Variants in GTF2E2 observed in about 807,000 individuals in gnomAD.
The protein encoded by GTF2E2 is general transcription factor IIE subunit 2, also known as transcription initiation factor IIE subunit beta.
A neutral mutation model predicts 40.5 loss-of-function variants in GTF2E2; 21 were observed. That is an observed-to-expected ratio of 0.52 (90% CI 0.37 to 0.75). The LOEUF (loss-of-function observed/expected upper bound fraction) is 0.75. Among genes scored for constraint, GTF2E2 ranks in the 30% least tolerant of loss-of-function variants. GTF2E2 has a pLI of 0.00. For missense variants in GTF2E2, 298 were observed against 338.4 expected (o/e 0.88, Z 0.94); for synonymous variants, 117 against 121.6 (o/e 0.96, Z 0.25).
chr8:30,580,147 A>C, intron 7 of GTF2E2, 134 bp downstream of exon 7: 2 of 635,474 alleles, frequency 3.1e-6, no homozygotes, highest in Non-Finnish European at 5.6e-6. Context: ...GCAATACCTC[A>C]GATGTGACCT....
intron 7 of GTF2E2, among the ~76,000 whole-genome samples, chr8:30,580,003 G>A (rs939096895): frequency 2.7e-4 from 41 of 152,182 alleles, no homozygotes; most frequent in African/African-American, 9.7e-4. Context: ...AGCTTAGAGT[G>A]GGAGAGTGGG....
At chr8:30,629,643 C>T (rs1379769524) in intron 3 of GTF2E2, among the ~76,000 whole-genome samples, 6 of 145,218 alleles carry the variant, frequency 4.1e-5, no homozygotes, top group South Asian at 2.2e-4. Flanking sequence ...GAGCCAAGAT[C>T]GCACCACTGC....
At chr8:30,611,956 G>T (rs1231583420) in intron 5 of GTF2E2, among the ~76,000 whole-genome samples, 1 of 152,082 alleles carries the variant, frequency 6.6e-6, no homozygotes, top group African/African-American at 2.4e-5. Context: ...TAGTTCCTCA[G>T]GTAAGGAACA....
At chr8:30,655,225 T>G (rs574319099) in intron 1 of GTF2E2, among the ~76,000 whole-genome samples, 10 of 151,544 alleles carry the variant, frequency 6.6e-5, no homozygotes. Flanking sequence ...TACAGAAAAT[T>G]TCCAATTTGG....
intron 2 of GTF2E2, chr8:30,645,557 T>C: frequency 2.6e-6 from 4 of 1,535,666 alleles, no homozygotes; most frequent in Non-Finnish European, 3.5e-6. Context: ...CTTAGAAGTA[T>C]GATGGACAAC....
At chr8:30,655,028 T>C (rs1381693411) in intron 1 of GTF2E2, among the ~76,000 whole-genome samples, 5 of 152,010 alleles carry the variant, frequency 3.3e-5, no homozygotes, top group African/African-American at 9.7e-5. Flanking sequence ...CTGGGCAACA[T>C]AGTGAAACCC....
intron 6 of GTF2E2, among the ~76,000 whole-genome samples, chr8:30,585,827 G>A (rs1449312485): frequency 3.6e-5 from 5 of 139,372 alleles, no homozygotes; most frequent in African/African-American, 1.1e-4. Context: ...GCTCATGCCT[G>A]TAATTCCAGA....
intron 6 of GTF2E2, among the ~76,000 whole-genome samples, chr8:30,594,555 A>T (rs7814438): frequency 0.37 from 50,059 of 135,906 alleles, 8,313 homozygotes; most frequent in African/African-American, 0.43. Flanking sequence ...ATGGATCTTT[A>T]AAAAAAAAAA....
intron 6 of GTF2E2, among the ~76,000 whole-genome samples, chr8:30,603,738 T>C (rs1018264925): frequency 5.3e-5 from 8 of 152,108 alleles, no homozygotes; most frequent in Non-Finnish European, 2.9e-5. Context: ...AAAATAAATA[T>C]GTATGTAGAT....
At chr8:30,652,878 C>T (rs1373846973) in intron 2 of GTF2E2, among the ~76,000 whole-genome samples, 1 of 151,950 alleles carries the variant, frequency 6.6e-6, no homozygotes, top group Admixed American at 6.6e-5. Context: ...TACGCTTTAC[C>T]AATAAAAATG....
In GTF2E2 at chr8:30,658,147, GGCGGCGGCGGCGGCA is replaced by G; in HGVS notation, c.-194_-180del. The G allele has an allele frequency of 1.5e-5, 3 of 195,052 alleles. No individual in the cohort carries two copies. Among genetic ancestry groups the G allele is most frequent in the South Asian group, 7.4e-5 (1 of 13,564 alleles). 12.1% of individuals were successfully genotyped at this position (195,052 alleles called of 1,614,324 possible). On this transcript the variant is annotated 5_prime_UTR_variant, in exon 1 of 8. Transcript: ENST00000355904. ...TCGGGGTCTCACCACTGGCGGTGGC[GGCGGCGGCGGCGGCA>G]GCGGCGGTAGCTGAGGCGGCGACTG...
chr8:30,589,716 T>C (rs1828787214), intron 6 of GTF2E2, among the ~76,000 whole-genome samples: 2 of 152,216 alleles, frequency 1.3e-5, no homozygotes, highest in Admixed American at 6.5e-5. Flanking sequence ...ACAGGCATCG[T>C]CTGCCCAAAT....
rs527462749 is a variant in GTF2E2, at chr8:30,603,456, T to C, written c.643+3601A>G. 1.4e-3 allele frequency among the ~76,000 whole-genome samples: 206 copies of C among 152,000 alleles called. 2 individuals are homozygous for C. In the Middle Eastern group the frequency reaches 0.014, roughly 10 times the overall value. On this transcript the variant is annotated intron_variant, in intron 6 of 7. Transcript: ENST00000355904. ...AGAAAGTAAAAGATGGGAAAAAATA[T>C]ATAAAATTTTTAAAAAGCCAGAGGT...
intron 6 of GTF2E2, among the ~76,000 whole-genome samples, chr8:30,589,861 G>GA (rs1828792444): frequency 6.6e-6 from 1 of 152,224 alleles, no homozygotes; most frequent in Non-Finnish European, 1.5e-5. Flanking sequence ...AAGAAGGGGA[G>GA]AAGCCGTGGG....
At chr8:30,636,794 A>C (rs1585991272) in intron 2 of GTF2E2, 1 of 272,550 alleles carries the variant, frequency 3.7e-6, no homozygotes, top group East Asian at 1.2e-4. Context: ...TGGAGGTTGC[A>C]GTGAGCCGAG....
intron 3 of GTF2E2, among the ~76,000 whole-genome samples, chr8:30,627,960 T>C (rs1801335156): frequency 6.6e-6 from 1 of 152,216 alleles, no homozygotes. Context: ...TGTTTTGACT[T>C]CAAGTGACAA....
Position 30,623,858 on chromosome 8 carries a change from G to C in GTF2E2, c.259-9143C>G, listed in dbSNP as rs565654517. On this transcript the variant is annotated intron_variant, in intron 3 of 7. Transcript: ENST00000355904. ...CGTATCCTTTGCCCACTTTTTGATGGGGTTTTTTTTTCTTGAAAATTTGTT... is the reference window on the plus strand; with the variant it reads ...CGTATCCTTTGCCCACTTTTTGATGCGGTTTTTTTTTCTTGAAAATTTGTT... Among the ~76,000 whole-genome samples, 15 of 151,726 alleles carry C rather than the reference G, an allele frequency of 9.9e-5. 1 individual carries two copies. The highest frequency in any genetic ancestry group is 3.6e-4 in the African/African-American group (15 of 41,366).
chr8:30,639,343 A>C (rs1217432788), intron 2 of GTF2E2, among the ~76,000 whole-genome samples: 1 of 152,210 alleles, frequency 6.6e-6, no homozygotes, highest in East Asian at 1.9e-4. Context: ...CTCGTAATAT[A>C]AAGTCATGCT....
chr8:30,631,871 G>C (rs989714816), intron 3 of GTF2E2, among the ~76,000 whole-genome samples: 1 of 152,176 alleles, frequency 6.6e-6, no homozygotes, highest in African/African-American at 2.4e-5. Flanking sequence ...TGAGGCAGGC[G>C]GATCACTTGA....
Sources: gnomAD v4.1 joint callset for allele counts (sites outside exome capture counted in the v4.1 genomes callset) on GRCh38, gnomAD v4.1.1 for gene constraint, MANE v1.5 for transcripts, NCBI Gene and HGNC (gene_info 2026-07-23, HGNC 2026-07-21) for gene names.